Variants in AKT2 observed in about 807,000 individuals in gnomAD.
AKT2 encodes the protein AKT serine/threonine kinase 2, also known as RAC-beta serine/threonine-protein kinase.
AKT2 carries 16 observed loss-of-function variants against 58.6 expected under a neutral mutation model. The observed-to-expected ratio is 0.27, with a 90% CI of 0.18 to 0.41. AKT2 has a LOEUF of 0.41. Among genes scored for constraint, AKT2 ranks in the 10% least tolerant of loss-of-function variants. AKT2 has a pLI of 1.00. For synonymous variants in AKT2, 253 were observed against 254.0 expected (o/e 1.00, Z 0.04); for missense variants, 438 against 661.0 (o/e 0.66, Z 3.70).
rs763050753 is a variant in AKT2, at chr19:40,233,826, C to T, written c.*46G>A. 3.8e-6 allele frequency: 6 copies of T among 1,594,732 alleles called. No homozygotes were observed. Among genetic ancestry groups the T allele is most frequent in the Non-Finnish European group, 5.1e-6 (6 of 1,171,602 alleles). On this transcript the variant is annotated 3_prime_UTR_variant, in exon 14 of 14. Transcript: ENST00000392038. The surrounding 1 kb of genome is among the most constrained non-coding windows in gnomAD (Gnocchi z 4.3). ...AAAAAGTTAGGGGGAAAAAACCACC[C>T]AGCGGTGATGGCAGCGAGCGTGCGT... is the stretch of plus-strand genomic sequence containing the variant.
chr19:40,257,117 G>A, intron 2 of AKT2, 63 bp from the exon 3 acceptor site: 1 of 1,590,652 alleles, frequency 6.3e-7, no homozygotes, highest in Non-Finnish European at 8.6e-7. Flanking sequence ...TCCCAGGTAG[G>A]CGGCAGGAGG....
At chr19:40,277,642 C>T (rs1198493019) in intron 1 of AKT2, among the ~76,000 whole-genome samples, 1 of 152,350 alleles carries the variant, frequency 6.6e-6, no homozygotes, top group Admixed American at 6.5e-5. Context: ...ATATCGCCTT[C>T]CTTGCGGCCT....
chr19:40,257,840 C>G (rs556875765), intron 2 of AKT2, among the ~76,000 whole-genome samples: 1 of 152,184 alleles, frequency 6.6e-6, no homozygotes, highest in African/African-American at 2.4e-5. Flanking sequence ...CTGAGACATG[C>G]TGCCATGTGG....
intron 1 of AKT2, among the ~76,000 whole-genome samples, chr19:40,268,044 G>C (rs1298782606): frequency 2.6e-5 from 4 of 152,136 alleles, no homozygotes; most frequent in Non-Finnish European, 4.4e-5. Context: ...GAGAGAGGTG[G>C]ACAGGGGAGA....
chr19:40,253,023 C>T (rs987656361), intron 4 of AKT2, among the ~76,000 whole-genome samples: 11 of 152,150 alleles, frequency 7.2e-5, no homozygotes, highest in Non-Finnish European at 1.3e-4. Context: ...AGTAACAAGT[C>T]TCATGATATT....
chr19:40,282,157 G>A (rs1428146351), intron 1 of AKT2: 3 of 210,336 alleles, frequency 1.4e-5, no homozygotes, highest in African/African-American at 7.2e-5. Context: ...AAAGTAGGGG[G>A]TGGGGGAGGC....
At chr19:40,241,174 T>G (rs950233629) in intron 6 of AKT2, 3 of 152,750 alleles carry the variant, frequency 2.0e-5, no homozygotes, top group Non-Finnish European at 4.4e-5. Context: ...AACCCTAGAA[T>G]GCACAGGGCT....
chr19:40,238,004 A>G lies in AKT2; in HGVS notation c.796T>C (p.Leu266=), dbSNP rs765025643. ...GAEIVSALEY[L]HSRDVVYRDI... is the part of the protein sequence containing the mutation. ...CGGTATACCACGTCCCGCGAGTGCA[A>G]GTACTCAAGAGCCGAGACAATCTCT... The change falls in exon 9 of 14, where the codon TTG becomes CTG. Residue 266 remains leucine, a synonymous_variant. Transcript: ENST00000392038. The surrounding 1 kb of genome is among the most constrained non-coding windows in gnomAD (Gnocchi z 5.1). The G allele has an allele frequency of 6.2e-7, 1 of 1,613,478 alleles. No homozygotes were observed. The highest frequency in any genetic ancestry group is 2.2e-5 in the East Asian group (1 of 44,870).
rs1225088561 is a variant in AKT2, at chr19:40,233,985, T to G, written c.1367-34A>C. On this transcript the variant is annotated intron_variant, in intron 13 of 13. Coordinates refer to ENST00000392038, the MANE Select transcript of AKT2 (RefSeq NM_001626.6). The surrounding 1 kb of genome is among the most constrained non-coding windows in gnomAD (Gnocchi z 4.3). ...GGCAGAGGTGGATGGGGAGGACCAGTCAGGAGAGGGCCTGGGACACCTGCC... is the reference window on the plus strand; with the variant it reads ...GGCAGAGGTGGATGGGGAGGACCAGGCAGGAGAGGGCCTGGGACACCTGCC... The G allele has an allele frequency of 6.2e-7, 1 of 1,601,632 alleles. No homozygotes were observed.
chr19:40,243,074 G>A (rs369701864), intron 4 of AKT2: 8 of 302,944 alleles, frequency 2.6e-5, no homozygotes, highest in African/African-American at 8.7e-5. Flanking sequence ...CCCGGGAGGC[G>A]GAGGGTGCAG....
rs1370498708 is a variant in AKT2 at position 40,233,245 on chromosome 19, G to C, written c.*627C>G. 1.1e-5 allele frequency: 3 copies of C among 269,950 alleles called. No homozygotes were observed. Among genetic ancestry groups the C allele is most frequent in the Admixed American group, 4.9e-5 (1 of 20,254 alleles). The allele number at this position is 269,950 out of a possible 1,614,324, so 16.7% of individuals were successfully genotyped here. On this transcript the variant is annotated 3_prime_UTR_variant, in exon 14 of 14. Coordinates refer to ENST00000392038, the MANE Select transcript of AKT2 (RefSeq NM_001626.6). This position sits in a 1 kb window ranked among gnomAD's most constrained non-coding sequence, Gnocchi z 4.3. ...GGCGGCACCCAGCCCGGCCACTCCT[G>C]GTTCCCCATGGTACAGATCCTAGGA...
intron 4 of AKT2, among the ~76,000 whole-genome samples, chr19:40,248,437 G>A (rs767791136): frequency 2.0e-4 from 31 of 152,326 alleles, no homozygotes; most frequent in East Asian, 1.9e-3. Context: ...GCTCCAAGGC[G>A]GGGGCCAAAC....
At chr19:40,268,286 C>T (rs1455179553) in intron 1 of AKT2, among the ~76,000 whole-genome samples, 2 of 152,236 alleles carry the variant, frequency 1.3e-5, no homozygotes, top group African/African-American at 4.8e-5. Flanking sequence ...CCTCTCAGGG[C>T]CCTTGTAATG....
At chr19:40,278,555 C>T (rs1001623696) in intron 1 of AKT2, among the ~76,000 whole-genome samples, 10 of 152,052 alleles carry the variant, frequency 6.6e-5, no homozygotes, top group Admixed American at 3.9e-4. Context: ...GGCAGGAGTA[C>T]AGTGGTGGGA....
rs1974147986 is a variant in AKT2, at chr19:40,238,129, C to A, written c.709-38G>T. ...GGGGTGGGGAGAGGAGGTCAGGCCCCAGCCCACCCACCTGCCCTCACCTTC... is the reference window on the plus strand; with the variant it reads ...GGGGTGGGGAGAGGAGGTCAGGCCCAAGCCCACCCACCTGCCCTCACCTTC... On this transcript the variant is annotated intron_variant, in intron 8 of 13. Coordinates refer to ENST00000392038, the MANE Select transcript of AKT2 (RefSeq NM_001626.6). The surrounding 1 kb of genome is among the most constrained non-coding windows in gnomAD (Gnocchi z 5.1). 1 of 1,564,666 alleles carries A rather than the reference C, an allele frequency of 6.4e-7. No individual in the cohort carries two copies.
intron 4 of AKT2, among the ~76,000 whole-genome samples, chr19:40,251,678 T>A (rs1975165764): frequency 6.6e-6 from 1 of 152,258 alleles, no homozygotes; most frequent in Admixed American, 6.5e-5. Context: ...TTTAAAACAA[T>A]GTTCTAAAGG....
At chr19:40,284,899 C>G (rs941911057) in intron 1 of AKT2, 5 of 286,168 alleles carry the variant, frequency 1.7e-5, no homozygotes, top group Non-Finnish European at 2.6e-5. Flanking sequence ...CCGAAAGGTC[C>G]AGCCCCCGGC....
In AKT2 at chr19:40,284,845, G is replaced by A. The variant is rs1393937881; in HGVS notation, c.-85+336C>T. On this transcript the variant is annotated intron_variant, in intron 1 of 13. Transcript: ENST00000392038. ...TACACTTGATGCGGCGCGCCCCCTCGATAGCTTAGCCCGCGCACGCCAGGC... is the reference window on the plus strand; with the variant it reads ...TACACTTGATGCGGCGCGCCCCCTCAATAGCTTAGCCCGCGCACGCCAGGC... 7 of 206,254 alleles carry A rather than the reference G, an allele frequency of 3.4e-5. No individual in the cohort carries two copies. The East Asian group carries it at 6.5e-4, about 19-fold the overall frequency. 12.8% of individuals were successfully genotyped at this position (206,254 alleles called of 1,614,324 possible). A position where few individuals can be genotyped will look rare whatever the true frequency, so the allele number is the denominator to read the frequency against.
In AKT2 at chr19:40,274,982, G is replaced by A. The variant is rs555869902; in HGVS notation, c.-84-9631C>T. On this transcript the variant is annotated intron_variant, in intron 1 of 13. Coordinates refer to ENST00000392038, the MANE Select transcript of AKT2 (RefSeq NM_001626.6). Reference sequence around the variant, plus strand: ...AGGCAGCCCTTCCTCTCCAGGAGCTGTCCCCAGAATAAGCCCTGGGCACTG... The same window carrying A: ...AGGCAGCCCTTCCTCTCCAGGAGCTATCCCCAGAATAAGCCCTGGGCACTG... The A allele has an allele frequency of 4.8e-5, 21 of 435,082 alleles. 1 individual carries two copies. In the Admixed American group the frequency reaches 5.1e-4, roughly 10 times the overall value. The allele number at this position is 435,082 out of a possible 1,614,324, so 27.0% of individuals were successfully genotyped here.
Sources: allele counts gnomAD v4.1 joint callset (sites outside exome capture counted in the v4.1 genomes callset), GRCh38; gene constraint gnomAD v4.1.1; non-coding constraint Gnocchi (gnomAD v3.1); transcripts MANE v1.5; gene names NCBI Gene and HGNC (gene_info 2026-07-23, HGNC 2026-07-21).